The following LRP1B variants were observed in gnomAD, a reference collection of about 807,000 sequenced individuals.
LRP1B encodes the protein low-density lipoprotein receptor-related protein 1B.
A neutral mutation model predicts 556.6 loss-of-function variants in LRP1B; 217 were observed. That is an observed-to-expected ratio of 0.39 (90% confidence interval 0.35 to 0.44). The LOEUF is 0.44. Ranked by LOEUF, LRP1B falls within the 20% of genes least tolerant of loss-of-function variation. LRP1B has a pLI of 1.00. For missense variants in LRP1B, 5,053 were observed against 5,620.8 expected, an observed-to-expected ratio of 0.90 and a Z score of 3.23; for synonymous variants, 2,047 against 1,865.8, an observed-to-expected ratio of 1.10 and a Z score of -2.50.
intron 1 of LRP1B, among the ~76,000 whole-genome samples, chr2:141,920,474 A>T (rs912495414): frequency 6.6e-6 from 1 of 151,976 alleles, no homozygotes; most frequent in Non-Finnish European, 1.5e-5. Context: ...AATATTGAGG[A>T]TAAAAATTGG....
At chr2:141,194,241 G>A (rs989876394) in intron 6 of LRP1B, among the ~76,000 whole-genome samples, 4 of 152,010 alleles carry the variant, frequency 2.6e-5, no homozygotes. Flanking sequence ...ATTTACATAA[G>A]TCATGTTTTT....
At chr2:140,373,849 A>C (rs1332610872) in intron 68 of LRP1B, among the ~76,000 whole-genome samples, 3 of 152,184 alleles carry the variant, frequency 2.0e-5, no homozygotes, top group African/African-American at 7.2e-5. Context: ...AGGGAGAAGA[A>C]GGCTAAGGAT....
At chr2:141,904,496 G>A (rs1246034712) in intron 1 of LRP1B, among the ~76,000 whole-genome samples, 1 of 151,874 alleles carries the variant, frequency 6.6e-6, no homozygotes, top group Admixed American at 6.6e-5. Flanking sequence ...GGATGTCTAA[G>A]TGCTTTCTGG....
intron 37 of LRP1B, among the ~76,000 whole-genome samples, chr2:140,704,692 G>A (rs1686765415): frequency 2.0e-5 from 3 of 152,076 alleles, no homozygotes; most frequent in African/African-American, 7.2e-5. Context: ...AAAATGGCAG[G>A]TAATGTTATA....
intron 1 of LRP1B, among the ~76,000 whole-genome samples, chr2:142,065,926 T>C (rs997136989): frequency 1.3e-5 from 2 of 151,368 alleles, no homozygotes; most frequent in African/African-American, 4.8e-5. Context: ...TCATCCTGGA[T>C]CAAATTTCTC....
At chr2:141,151,039 G>A (rs563325213) in intron 7 of LRP1B, among the ~76,000 whole-genome samples, 2 of 152,226 alleles carry the variant, frequency 1.3e-5, no homozygotes, top group African/African-American at 4.8e-5. Context: ...TAGTGGTAAA[G>A]TACAATTCAC....
intron 1 of LRP1B, among the ~76,000 whole-genome samples, chr2:141,837,371 C>A (rs1697320735): frequency 6.6e-6 from 1 of 151,900 alleles, no homozygotes; most frequent in Non-Finnish European, 1.5e-5. Flanking sequence ...TGGGTTTACA[C>A]CAAATTAGAG....
chr2:140,879,376 G>A (rs28702868), intron 25 of LRP1B, among the ~76,000 whole-genome samples: 1,709 of 152,216 alleles, frequency 0.011, 29 homozygotes, highest in African/African-American at 0.038. Context: ...ACTAAAATAA[G>A]TGATCCCTTC....
intron 21 of LRP1B, among the ~76,000 whole-genome samples, chr2:140,911,332 A>G (rs1051031836): frequency 4.6e-5 from 7 of 151,808 alleles, no homozygotes; most frequent in African/African-American, 1.7e-4. Flanking sequence ...GCCTCTGGAA[A>G]GAATTAGTTA....
At chr2:140,731,046 T>C (rs576018521) in intron 35 of LRP1B, among the ~76,000 whole-genome samples, 1 of 152,302 alleles carries the variant, frequency 6.6e-6, no homozygotes, top group South Asian at 2.1e-4. Flanking sequence ...TTCTCATCTC[T>C]TTACCTTTTC....
At chr2:141,935,638 T>G (rs1700615353) in intron 1 of LRP1B, among the ~76,000 whole-genome samples, 1 of 152,158 alleles carries the variant, frequency 6.6e-6, no homozygotes. Flanking sequence ...TCTAGTTAGG[T>G]GACAAGATGA....
At chr2:140,727,037 T>C (rs994134998) in intron 35 of LRP1B, among the ~76,000 whole-genome samples, 1 of 152,176 alleles carries the variant, frequency 6.6e-6, no homozygotes, top group African/African-American at 2.4e-5. Flanking sequence ...AATAAAATGT[T>C]AAAATCTTGG....
intron 31 of LRP1B, among the ~76,000 whole-genome samples, chr2:140,838,101 A>G (rs1478165063): frequency 4.6e-5 from 7 of 152,246 alleles, no homozygotes; most frequent in African/African-American, 1.7e-4. Flanking sequence ...GATATTTAGT[A>G]TTAGAAAAGA....
At chr2:141,547,322 T>C (rs1321746764) in intron 2 of LRP1B, among the ~76,000 whole-genome samples, 1 of 152,202 alleles carries the variant, frequency 6.6e-6, no homozygotes, top group Non-Finnish European at 1.5e-5. Context: ...AGTTCTCTGC[T>C]TCTATTTTTA....
chr2:140,497,053 A>G (rs1688976666), intron 55 of LRP1B, among the ~76,000 whole-genome samples: 1 of 151,882 alleles, frequency 6.6e-6, no homozygotes, highest in Admixed American at 6.6e-5. Context: ...TTTAAGTACA[A>G]GAAACATTTT....
chr2:141,787,136 G>T (rs568020174), intron 2 of LRP1B, among the ~76,000 whole-genome samples: 1 of 151,876 alleles, frequency 6.6e-6, no homozygotes, highest in Admixed American at 6.6e-5. Flanking sequence ...CTCACACATT[G>T]CTAGTAGGAA....
chr2:141,851,335 C>G (rs1267801560), intron 1 of LRP1B, among the ~76,000 whole-genome samples: 3 of 151,830 alleles, frequency 2.0e-5, no homozygotes, highest in African/African-American at 7.2e-5. Context: ...TGACCATCCC[C>G]TAGGTATGTA....
intron 2 of LRP1B, among the ~76,000 whole-genome samples, chr2:141,776,018 T>G (rs1407955040): frequency 6.6e-6 from 1 of 152,024 alleles, no homozygotes; most frequent in South Asian, 2.1e-4. Flanking sequence ...AATTTTTTTT[T>G]TGTATTTTTA....
chr2:140,641,184 G>A (rs1270067965), intron 41 of LRP1B, among the ~76,000 whole-genome samples: 1 of 152,146 alleles, frequency 6.6e-6, no homozygotes, highest in Non-Finnish European at 1.5e-5. Flanking sequence ...TTTGCAGACG[G>A]CTGTTCTTTT....
Sources: allele counts gnomAD v4.1 joint callset (sites outside exome capture counted in the v4.1 genomes callset), GRCh38; gene constraint gnomAD v4.1.1; transcripts MANE v1.5; gene names NCBI Gene and HGNC (gene_info 2026-07-23, HGNC 2026-07-21).